The following TP53I3 variants were observed in gnomAD, a reference collection of about 807,000 sequenced individuals.
TP53I3 encodes the protein tumor protein p53 inducible protein 3.
Under a neutral mutation model 27.7 loss-of-function variants are expected in TP53I3, and 32 were observed. The observed-to-expected ratio is 1.16, with a 90% confidence interval of 0.87 to 1.55. The LOEUF (loss-of-function observed/expected upper bound fraction) is 1.55, where lower values mean the gene tolerates loss of function less well. TP53I3 is among the 40% of genes most tolerant of loss of function. TP53I3 has a pLI of 0.00. For synonymous variants in TP53I3, 138 were observed against 167.8 expected (o/e 0.82, Z 1.37); for missense variants, 372 against 412.3 (o/e 0.90, Z 0.85).
intron 2 of TP53I3, among the ~76,000 whole-genome samples, chr2:24,082,618 G>A (rs1051200342): frequency 3.3e-5 from 5 of 152,194 alleles, no homozygotes; most frequent in Non-Finnish European, 5.9e-5. Flanking sequence ...GAGAAGCTCA[G>A]TATGATTCTA....
chr2:24,081,690 GTTTT>G (rs36028901), intron 2 of TP53I3, among the ~76,000 whole-genome samples: 1 of 137,398 alleles, frequency 7.3e-6, no homozygotes, highest in Non-Finnish European at 1.6e-5. Context: ...CCTTGATACT[GTTTT>G]TTTTTTTTTT....
At chr2:24,083,844 T>C (rs1163792466) in intron 1 of TP53I3, among the ~76,000 whole-genome samples, 1 of 152,140 alleles carries the variant, frequency 6.6e-6, no homozygotes, top group Non-Finnish European at 1.5e-5. Context: ...GGCGTACTGC[T>C]TAACCTCACT....
chr2:24,084,489 T>A lies in TP53I3; in HGVS notation c.-163A>T. 1.0e-6 allele frequency: 1 copy of A among 970,594 alleles called. No homozygotes were observed. The highest frequency in any genetic ancestry group is 1.4e-6 in the Non-Finnish European group (1 of 702,954). The allele number at this position is 970,594 out of a possible 1,614,324, so 60.1% of individuals were successfully genotyped here. On this transcript the variant is annotated 5_prime_UTR_variant, in exon 1 of 5. Transcript: ENST00000238721. This position sits in a 1 kb window ranked among gnomAD's most constrained non-coding sequence, Gnocchi z 8.4. ...GCAGCGCCCCCTGCCGGCCAGCGCC[T>A]CGCTGCCCTGGTCTGCCGCGGACCC...
Position 24,084,672 on chromosome 2 carries a change from C to G in TP53I3, c.-346G>C, listed in dbSNP as rs774528510. ...AAGAGGATCAGGCAAATCACACTCCCTCTGAGTTGGAAGCCCCCAGCCCGA... is the reference window on the plus strand; with the variant it reads ...AAGAGGATCAGGCAAATCACACTCCGTCTGAGTTGGAAGCCCCCAGCCCGA... On this transcript the variant is annotated 5_prime_UTR_variant, in exon 1 of 5. Coordinates refer to ENST00000238721, the MANE Select transcript of TP53I3 (RefSeq NM_004881.5). The surrounding 1 kb of genome is among the most constrained non-coding windows in gnomAD (Gnocchi z 8.4). The G allele has an allele frequency of 1.9e-5, 4 of 210,502 alleles. No individual in the cohort carries two copies. Among genetic ancestry groups the G allele is most frequent in the Admixed American group, 5.9e-5 (1 of 16,808 alleles). 13.0% of individuals were successfully genotyped at this position (210,502 alleles called of 1,614,324 possible).
At position 24,079,480 on chromosome 2, in the gene TP53I3, A is replaced by T. The variant is rs373761983; in HGVS notation, c.780T>A (p.Ser260Arg). The T allele has an allele frequency of 3.1e-6, 5 of 1,614,120 alleles. No homozygotes were observed. Among genetic ancestry groups the T allele is most frequent in the Non-Finnish European group, 4.2e-6 (5 of 1,180,016 alleles). The change falls in exon 4 of 5, where the codon AGT (serine) becomes AGA (arginine). Residue 260 changes from serine (S) to arginine (R), a missense_variant. By Grantham distance (110) the Ser-to-Arg change is moderately radical. Transcript: ENST00000238721. Reference sequence around the variant, plus strand: ...TAGACCTCAGCAAACTGGTGATCAGACTTCCTCGCTTAAAAAGTAGCTTTG... The same window carrying T: ...TAGACCTCAGCAAACTGGTGATCAGTCTTCCTCGCTTAAAAAGTAGCTTTG... ...LFSKLLFKRG[S>R]LITSLLRSRD...
chr2:24,082,185 A>T (rs1211147848), intron 2 of TP53I3, among the ~76,000 whole-genome samples: 1 of 152,142 alleles, frequency 6.6e-6, no homozygotes, highest in Admixed American at 6.6e-5. Context: ...TTGTAGAAAC[A>T]GGGTTTCGCC....
intron 2 of TP53I3, 143 bp from the exon 3 acceptor site, chr2:24,081,174 G>A: frequency 3.7e-6 from 2 of 540,868 alleles, no homozygotes; most frequent in Non-Finnish European, 6.3e-6. Context: ...GTGGGGTGGG[G>A]GTGGGCTGGT....
At position 24,083,036 on chromosome 2, in the gene TP53I3, T is replaced by G. The variant is rs1665081279; in HGVS notation, c.255A>C (p.Thr85=). The change falls in exon 2 of 5, where the codon ACA becomes ACC. Residue 85 remains threonine, a synonymous_variant. Transcript: ENST00000238721. ...CCCCACCGGGGAGCAGAGCCATGGCTGTGTCCCCGATCTTCCAGTGTCCCT... is the reference window on the plus strand; with the variant it reads ...CCCCACCGGGGAGCAGAGCCATGGCGGTGTCCCCGATCTTCCAGTGTCCCT... ...GCQGHWKIGD[T]AMALLPGGGQ... is the part of the protein sequence containing the mutation. The G allele has an allele frequency of 6.2e-7, 1 of 1,614,068 alleles. No individual in the cohort carries two copies. Among genetic ancestry groups the G allele is most frequent in the African/African-American group, 1.3e-5 (1 of 74,916 alleles).
Position 24,077,697 on chromosome 2 carries a change from G to A in TP53I3, c.881C>T (p.Pro294Leu). 1.2e-6 allele frequency: 2 copies of A among 1,614,112 alleles called. No homozygotes were observed. The highest frequency in any genetic ancestry group is 1.7e-6 in the Non-Finnish European group (2 of 1,179,990). The part of the protein sequence containing the change: ...QILPHFSTEG[P>L]QRLLPVLDRI... ...GTCCAGAACCGGCAGCAGACGTTGG[G>A]GGCCCTCCGTGGAGAAGTGAGGCAG... Residue 294 changes from proline to leucine, a missense_variant, in exon 5 of 5, where the codon CCC (proline) becomes CTC (leucine). Transcript: ENST00000238721. This position sits in a 1 kb window ranked among gnomAD's most constrained non-coding sequence, Gnocchi z 5.5.
chr2:24,080,712 C>T lies in TP53I3; in HGVS notation c.619+107G>A. The T allele has an allele frequency of 7.2e-7, 1 of 1,384,896 alleles. No individual in the cohort carries two copies. Among genetic ancestry groups the T allele is most frequent in the Non-Finnish European group, 1.0e-6 (1 of 988,556 alleles). The allele number at this position is 1,384,896 out of a possible 1,614,324, so 85.8% of individuals were successfully genotyped here. A position where few individuals can be genotyped will look rare whatever the true frequency, so the allele number is the denominator to read the frequency against. ...ATTTGGCCAGGGCAGCTGTTGTGCACTTAGCAGAGGTAAGACTGATACACA... is the reference window on the plus strand; with the variant it reads ...ATTTGGCCAGGGCAGCTGTTGTGCATTTAGCAGAGGTAAGACTGATACACA... On this transcript the variant is annotated intron_variant, in intron 3 of 4. Coordinates refer to ENST00000238721, the MANE Select transcript of TP53I3 (RefSeq NM_004881.5). The surrounding 1 kb of genome is among the most constrained non-coding windows in gnomAD (Gnocchi z 4.7).
chr2:24,079,254 A>T (rs1664891054), intron 4 of TP53I3, 190 bp downstream of exon 4: 1 of 596,682 alleles, frequency 1.7e-6, no homozygotes, highest in Admixed American at 3.0e-5. Flanking sequence ...TTTTCATGAT[A>T]CTGAAGCTTC....
Position 24,084,259 on chromosome 2 carries a change from G to C in TP53I3, c.68C>G (p.Pro23Arg), listed in dbSNP as rs772715817. Residue 23 changes from proline (P) to arginine (R), a missense_variant, in exon 1 of 5, where the codon CCG becomes CGG. Transcript: ENST00000238721. This position sits in a 1 kb window ranked among gnomAD's most constrained non-coding sequence, Gnocchi z 8.4. ...ENLYVKEVAK[P>R]SPGEGEVLLK... ...GAGGACTTCACCCTCCCCCGGGCTC[G>C]GCTTGGCCACCTCCTTCACGTAGAG... 5.0e-6 allele frequency: 8 copies of C among 1,613,898 alleles called. No individual in the cohort carries two copies. In the Admixed American group the frequency reaches 6.7e-5, roughly 13 times the overall value.
chr2:24,083,017 C>T lies in TP53I3; in HGVS notation c.274G>A (p.Gly92Ser), dbSNP rs752346417. 7.4e-6 allele frequency: 12 copies of T among 1,614,018 alleles called. No homozygotes were observed. Among genetic ancestry groups the T allele is most frequent in the Admixed American group, 6.7e-5 (4 of 59,996 alleles). The change falls in exon 2 of 5, where the codon GGT becomes AGT. Residue 92 changes from glycine to serine, a missense_variant. Gly to Ser is a moderately conservative substitution (Grantham distance 56). Coordinates refer to ENST00000238721, the MANE Select transcript of TP53I3 (RefSeq NM_004881.5). ...IGDTAMALLPGGGQAQYVTVP... is the reference protein window; with the variant it reads ...IGDTAMALLPSGGQAQYVTVP... ...GTGACGTACTGAGCCTGGCCCCCAC[C>T]GGGGAGCAGAGCCATGGCTGTGTCC...
intron 1 of TP53I3, 32 bp from the exon 2 acceptor site, chr2:24,083,184 C>T: frequency 6.4e-7 from 1 of 1,558,358 alleles, no homozygotes; most frequent in Non-Finnish European, 8.7e-7. Flanking sequence ...AAGTGGTGAG[C>T]ATGATCAGAA....
rs1664900660 is a variant in TP53I3, at chr2:24,079,433, T to C, written c.816+11A>G. The C allele has an allele frequency of 6.2e-7, 1 of 1,612,072 alleles. No homozygotes were observed. Among genetic ancestry groups the C allele is most frequent in the Non-Finnish European group, 8.5e-7 (1 of 1,178,896 alleles). On this transcript the variant is annotated intron_variant, in intron 4 of 4. Coordinates refer to ENST00000238721, the MANE Select transcript of TP53I3 (RefSeq NM_004881.5). Reference sequence around the variant, plus strand: ...GTTAAATCACATGTTTTCTTTTCATTCATCACTCACCTTATTGTCCCTAGA... The same window carrying C: ...GTTAAATCACATGTTTTCTTTTCATCCATCACTCACCTTATTGTCCCTAGA...
chr2:24,084,047 T>G lies in TP53I3; in HGVS notation c.138+142A>C. 7.6e-7 allele frequency: 1 copy of G among 1,320,954 alleles called. No homozygotes were observed. Among genetic ancestry groups the G allele is most frequent in the Non-Finnish European group, 1.0e-6 (1 of 998,812 alleles). 81.8% of individuals were successfully genotyped at this position (1,320,954 alleles called of 1,614,324 possible). A position where few individuals can be genotyped will look rare whatever the true frequency, so the allele number is the denominator to read the frequency against. The stretch of plus-strand genomic sequence containing the variant: ...GCATGAACAAAGAGGGCGCCCTGGG[T>G]TTAGGTCTGGGAAGCCCCAGCGCAG... On this transcript the variant is annotated intron_variant, in intron 1 of 4. Transcript: ENST00000238721. This position sits in a 1 kb window ranked among gnomAD's most constrained non-coding sequence, Gnocchi z 8.4.
At position 24,083,146 on chromosome 2, in the gene TP53I3, C is replaced by T; in HGVS notation, c.145G>A (p.Gly49Ser). ...LNRADLMQRQ[G>S]QYDPPPGASN... Reference sequence around the variant, plus strand: ...GCTCCTGGAGGTGGGTCATACTGGCCTTGTCTCTGCAGAGAAAGAAGTGCA... The same window carrying T: ...GCTCCTGGAGGTGGGTCATACTGGCTTTGTCTCTGCAGAGAAAGAAGTGCA... The change falls in exon 2 of 5, where the codon GGC (glycine) becomes AGC (serine). Residue 49 changes from glycine (G) to serine (S), a missense_variant. Gly to Ser is a moderately conservative substitution (Grantham distance 56). Transcript: ENST00000238721. 6.2e-7 allele frequency: 1 copy of T among 1,605,934 alleles called. No individual in the cohort carries two copies. The highest frequency in any genetic ancestry group is 1.7e-4 in the Middle Eastern group (1 of 6,030).
chr2:24,084,101 C>A lies in TP53I3; in HGVS notation c.138+88G>T. On this transcript the variant is annotated intron_variant, in intron 1 of 4. Transcript: ENST00000238721. This position sits in a 1 kb window ranked among gnomAD's most constrained non-coding sequence, Gnocchi z 8.4. Reference sequence around the variant, plus strand: ...CCTGCTGGGTGTGGAGCGGTGCACGCCTTCACGTCTGGTCAATGTCCACTG... The same window carrying A: ...CCTGCTGGGTGTGGAGCGGTGCACGACTTCACGTCTGGTCAATGTCCACTG... 1 of 1,500,660 alleles carries A rather than the reference C, an allele frequency of 6.7e-7. No individual in the cohort carries two copies. Among genetic ancestry groups the A allele is most frequent in the Admixed American group, 2.2e-5 (1 of 46,224 alleles). 93.0% of individuals were successfully genotyped at this position (1,500,660 alleles called of 1,614,324 possible).
At chr2:24,083,476 A>G (rs1381120394) in intron 1 of TP53I3, among the ~76,000 whole-genome samples, 32 of 152,142 alleles carry the variant, frequency 2.1e-4, no homozygotes, top group Admixed American at 2.1e-3. Context: ...GATGGTTCCC[A>G]TGCATCAAGC....
Sources: allele counts gnomAD v4.1 joint callset (sites outside exome capture counted in the v4.1 genomes callset), GRCh38; gene constraint gnomAD v4.1.1; non-coding constraint Gnocchi (gnomAD v3.1); transcripts MANE v1.5; gene names NCBI Gene and HGNC (gene_info 2026-07-23, HGNC 2026-07-21).